Variants in GRHL2 observed in about 807,000 individuals in gnomAD.
GRHL2 encodes the protein grainyhead like transcription factor 2.
In GRHL2, 21 loss-of-function variants were observed where a neutral mutation model predicts 83.8. The observed-to-expected ratio is 0.25, with a 90% confidence interval of 0.18 to 0.36. The LOEUF is 0.36. Among genes scored for constraint, GRHL2 ranks in the 10% least tolerant of loss-of-function variants. The pLI is 1.00. For synonymous variants in GRHL2, 280 were observed against 278.9 expected, an observed-to-expected ratio of 1.00 and a Z score of -0.04; for missense variants, 623 against 781.8, an observed-to-expected ratio of 0.80 and a Z score of 2.42.
At chr8:101,528,252 T>A (rs1484916162) in intron 1 of GRHL2, among the ~76,000 whole-genome samples, 1 of 152,238 alleles carries the variant, frequency 6.6e-6, no homozygotes, top group African/African-American at 2.4e-5. Flanking sequence ...AACTGGACAA[T>A]GCTTTGATTG....
chr8:101,503,483 G>A (rs759465323), intron 1 of GRHL2, among the ~76,000 whole-genome samples: 5 of 152,096 alleles, frequency 3.3e-5, no homozygotes, highest in Non-Finnish European at 5.9e-5. Context: ...TAACAAAACC[G>A]GGTTCGGGTA....
At position 101,559,324 on chromosome 8, in the gene GRHL2, A is replaced by C. The variant is rs540565693; in HGVS notation, c.678+512A>C. Among the ~76,000 whole-genome samples the C allele has an allele frequency of 7.9e-5, 11 of 140,124 alleles. No individual in the cohort carries two copies. The East Asian group carries it at 2.2e-3, about 28-fold the overall frequency. 91.9% of individuals were successfully genotyped at this position (140,124 alleles called of 152,430 possible). A position where few individuals can be genotyped will look rare whatever the true frequency, so the allele number is the denominator to read the frequency against. On this transcript the variant is annotated intron_variant, in intron 4 of 15. Coordinates refer to ENST00000646743, the MANE Select transcript of GRHL2 (RefSeq NM_024915.4). Reference sequence around the variant, plus strand: ...GGAGTTCAAGACCAGCCTGGCCAACATGGTGAACTCCTGTCTCTACTAAAA... The same window carrying C: ...GGAGTTCAAGACCAGCCTGGCCAACCTGGTGAACTCCTGTCTCTACTAAAA...
At chr8:101,605,029 T>C (rs924801460) in intron 8 of GRHL2, among the ~76,000 whole-genome samples, 1 of 152,200 alleles carries the variant, frequency 6.6e-6, no homozygotes, top group African/African-American at 2.4e-5. Flanking sequence ...TTGTCTAGCC[T>C]TCTGCTTTGC....
chr8:101,600,579 A>T (rs1812489304), intron 8 of GRHL2, among the ~76,000 whole-genome samples: 1 of 152,184 alleles, frequency 6.6e-6, no homozygotes. Flanking sequence ...CTGATCGGTA[A>T]GAGGCAGTCT....
At position 101,644,293 on chromosome 8, in the gene GRHL2, A is replaced by C. The variant is rs534643823; in HGVS notation, c.1612+68A>C. 3 of 1,294,532 alleles carry C rather than the reference A, an allele frequency of 2.3e-6. No individual in the cohort carries two copies. The South Asian group carries it at 3.7e-5, about 16-fold the overall frequency. The allele number at this position is 1,294,532 out of a possible 1,614,324, so 80.2% of individuals were successfully genotyped here. A position where few individuals can be genotyped will look rare whatever the true frequency, so the allele number is the denominator to read the frequency against. On this transcript the variant is annotated intron_variant, in intron 13 of 15. Coordinates refer to ENST00000646743, the MANE Select transcript of GRHL2 (RefSeq NM_024915.4). ...GGTGTCTCTCCCAAGAAGAGCTTGC[A>C]GCCCTCTTGCCCAGGCCCCCATGGC...
At chr8:101,620,158 T>C (rs2130370832) in intron 9 of GRHL2, among the ~76,000 whole-genome samples, 1 of 152,306 alleles carries the variant, frequency 6.6e-6, no homozygotes, top group Middle Eastern at 3.4e-3. Flanking sequence ...AGCTCTCTGG[T>C]GTCTCTTTTT....
chr8:101,552,889 C>A lies in GRHL2; in HGVS notation c.284+107C>A, dbSNP rs909257863. On this transcript the variant is annotated intron_variant, in intron 3 of 15. Coordinates refer to ENST00000646743, the MANE Select transcript of GRHL2 (RefSeq NM_024915.4). The stretch of plus-strand genomic sequence containing the variant: ...GAGGAGATGGGGTCAAGAAGCTTAG[C>A]ATCATCTATCTGTCTTTTGAGTCTG... 23 of 1,010,330 alleles carry A rather than the reference C, an allele frequency of 2.3e-5. No individual in the cohort carries two copies. The African/African-American group carries it at 2.9e-4, about 13-fold the overall frequency. 62.6% of individuals were successfully genotyped at this position (1,010,330 alleles called of 1,614,324 possible). A position where few individuals can be genotyped will look rare whatever the true frequency, so the allele number is the denominator to read the frequency against.
chr8:101,589,285 G>A (rs1554589551), intron 7 of GRHL2, among the ~76,000 whole-genome samples: 1 of 152,190 alleles, frequency 6.6e-6, no homozygotes, highest in Non-Finnish European at 1.5e-5. Context: ...GAGACAAAAT[G>A]GTTATAGTTA....
chr8:101,593,903 T>C (rs1177069634), intron 7 of GRHL2, among the ~76,000 whole-genome samples: 1 of 151,280 alleles, frequency 6.6e-6, no homozygotes, highest in East Asian at 1.9e-4. Context: ...CCATGTCTAC[T>C]AAAAATATCA....
At chr8:101,518,273 G>A (rs1483379624) in intron 1 of GRHL2, among the ~76,000 whole-genome samples, 1 of 152,190 alleles carries the variant, frequency 6.6e-6, no homozygotes, top group East Asian at 1.9e-4. Context: ...AGCCGGGCGT[G>A]ATGGTGCATG....
At chr8:101,657,083 T>G (rs1813808579) in intron 14 of GRHL2, among the ~76,000 whole-genome samples, 1 of 152,012 alleles carries the variant, frequency 6.6e-6, no homozygotes, top group African/African-American at 2.4e-5. Context: ...GTCATTCATG[T>G]GTGGAGGCGA....
At chr8:101,544,671 T>C (rs551243748) in intron 2 of GRHL2, among the ~76,000 whole-genome samples, 6 of 152,330 alleles carry the variant, frequency 3.9e-5, no homozygotes, top group African/African-American at 1.2e-4. Flanking sequence ...CACAATGAAC[T>C]CTTATTAACT....
chr8:101,493,372 G>A (rs912426582), intron 1 of GRHL2, among the ~76,000 whole-genome samples: 20 of 152,238 alleles, frequency 1.3e-4, no homozygotes, highest in African/African-American at 4.8e-4. Flanking sequence ...TGGGAGGCCG[G>A]GGGGCGCGGG....
chr8:101,508,895 A>G (rs561900957), intron 1 of GRHL2, among the ~76,000 whole-genome samples: 4 of 152,266 alleles, frequency 2.6e-5, no homozygotes, highest in Non-Finnish European at 5.9e-5. Context: ...AATTTAGGAA[A>G]AAAAAGCAAT....
At chr8:101,567,690 A>G (rs1811743804) in intron 4 of GRHL2, among the ~76,000 whole-genome samples, 1 of 152,208 alleles carries the variant, frequency 6.6e-6, no homozygotes, top group African/African-American at 2.4e-5. Flanking sequence ...GTCCTCATGC[A>G]TTCATGCATT....
chr8:101,533,332 A>G (rs1013532321), intron 1 of GRHL2, among the ~76,000 whole-genome samples: 5 of 152,366 alleles, frequency 3.3e-5, no homozygotes, highest in Admixed American at 6.5e-5. Context: ...AACCTGAAGA[A>G]TGCAGCTCCT....
chr8:101,664,387 CT>C, intron 14 of GRHL2, 66 bp from the exon 15 acceptor site: 1 of 1,171,726 alleles, frequency 8.5e-7, no homozygotes, highest in Admixed American at 1.7e-5. Context: ...GAAACTGGAA[CT>C]TTCCCCCTTG....
chr8:101,600,430 C>T lies in GRHL2; in HGVS notation c.1098+1279C>T, dbSNP rs146830382. ...GCTACCCGAGCCCCGTTCTCCCTGC[C>T]CCTGCCCTCTCCTGAGAACATCGTG... On this transcript the variant is annotated intron_variant, in intron 8 of 15. Transcript: ENST00000646743. Among the ~76,000 whole-genome samples, 277 of 152,356 alleles carry T rather than the reference C, an allele frequency of 1.8e-3. 1 individual carries two copies. The highest frequency in any genetic ancestry group is 6.3e-3 in the African/African-American group (261 of 41,580).
chr8:101,626,479 AAGGTT>A (rs745446395), intron 9 of GRHL2, among the ~76,000 whole-genome samples: 1 of 152,076 alleles, frequency 6.6e-6, no homozygotes, highest in Non-Finnish European at 1.5e-5. Context: ...ATCTTTCGTG[AAGGTT>A]TTGTATTACT....
Sources: gnomAD v4.1 joint callset for allele counts (sites outside exome capture counted in the v4.1 genomes callset) on GRCh38, gnomAD v4.1.1 for gene constraint, MANE v1.5 for transcripts, NCBI Gene and HGNC (gene_info 2026-07-23, HGNC 2026-07-21) for gene names.